Variants in GALNT5 observed in about 807,000 individuals in gnomAD.
GALNT5 encodes polypeptide N-acetylgalactosaminyltransferase 5.
Under a neutral mutation model 85.4 loss-of-function variants are expected in GALNT5, and 72 were observed. The ratio of observed to expected loss-of-function variants is 0.84; its 90% CI spans 0.70 to 1.03. GALNT5 has a LOEUF of 1.03. GALNT5 is among the 50% of genes least tolerant of loss of function. The probability of loss-of-function intolerance (pLI) is 0.00; values close to 1 mark genes in which losing one functional copy is unlikely to be tolerated. For synonymous variants in GALNT5, 404 were observed against 397.0 expected (o/e 1.02, Z -0.21); for missense variants, 1,137 against 1,135.5 (o/e 1.00, Z -0.02).
chr2:157,305,700 T>G (rs770091759), intron 7 of GALNT5, 49 bp from the exon 8 acceptor site: 1 of 1,058,154 alleles, frequency 9.5e-7, no homozygotes, highest in Non-Finnish European at 1.5e-6. Flanking sequence ...GAATGTCTTG[T>G]TTTACTTTAA....
chr2:157,306,854 T>A (rs1316056356), intron 8 of GALNT5, among the ~76,000 whole-genome samples: 1 of 152,048 alleles, frequency 6.6e-6, no homozygotes, highest in South Asian at 2.1e-4. Context: ...TCTTTTTTAA[T>A]TAGGAAAGAA....
At chr2:157,288,181 T>C (rs1369874229) in intron 3 of GALNT5, among the ~76,000 whole-genome samples, 1 of 152,218 alleles carries the variant, frequency 6.6e-6, no homozygotes, top group African/African-American at 2.4e-5. Context: ...TGAGTTTAAT[T>C]TTCTCATAAC....
intron 1 of GALNT5, among the ~76,000 whole-genome samples, chr2:157,278,670 A>C (rs1682791570): frequency 6.6e-6 from 1 of 152,110 alleles, no homozygotes; most frequent in African/African-American, 2.4e-5. Flanking sequence ...CCATCAGGCC[A>C]TTTCAGGTCT....
chr2:157,307,009 CAT>C (rs1491133725), intron 8 of GALNT5, among the ~76,000 whole-genome samples: 1 of 37,012 alleles, frequency 2.7e-5, no homozygotes, highest in East Asian at 3.7e-3. Context: ...TTAAATAATG[CAT>C]TTTTTTTTTT....
chr2:157,301,139 GAATTA>G, intron 7 of GALNT5, 140 bp downstream of exon 7: 1 of 654,114 alleles, frequency 1.5e-6, no homozygotes. Context: ...GCATGGCTGA[GAATTA>G]AATATAGGTA....
At chr2:157,260,369 C>T (rs1682310406) in intron 1 of GALNT5, among the ~76,000 whole-genome samples, 1 of 152,200 alleles carries the variant, frequency 6.6e-6, no homozygotes. Context: ...CTAAAGCTGC[C>T]CAATGGGCCT....
chr2:157,300,988 G>A lies in GALNT5; in HGVS notation c.2428G>A (p.Ala810Thr). 2 of 1,612,040 alleles carry A rather than the reference G, an allele frequency of 1.2e-6. No individual in the cohort carries two copies. The highest frequency in any genetic ancestry group is 1.7e-6 in the Non-Finnish European group (2 of 1,178,566). Reference sequence around the variant, plus strand: ...TGACTTAAGGGCTCCCATTGTGAGAGCTAGTGGTGTGGTAAGTTCAAGTGG... The same window carrying A: ...TGACTTAAGGGCTCCCATTGTGAGAACTAGTGGTGTGGTAAGTTCAAGTGG... Reference protein sequence around the residue: ...FPDLRAPIVRASGVLINVALG... With the variant: ...FPDLRAPIVRTSGVLINVALG... Residue 810 changes from alanine (A) to threonine (T), a missense_variant, in exon 7 of 10, where the codon GCT (alanine) becomes ACT (threonine). Transcript: ENST00000259056.
intron 9 of GALNT5, among the ~76,000 whole-genome samples, chr2:157,310,753 T>C (rs1683551861): frequency 6.6e-6 from 1 of 152,180 alleles, no homozygotes; most frequent in African/African-American, 2.4e-5. Context: ...GAGATTATGG[T>C]AAGGAGCTCA....
intron 9 of GALNT5, among the ~76,000 whole-genome samples, chr2:157,308,933 A>C (rs1683512914): frequency 6.6e-6 from 1 of 152,106 alleles, no homozygotes; most frequent in Non-Finnish European, 1.5e-5. Flanking sequence ...AATTTATTTC[A>C]AATGAGTTAT....
chr2:157,287,398 C>T (rs543755566), intron 3 of GALNT5, among the ~76,000 whole-genome samples: 2 of 151,706 alleles, frequency 1.3e-5, no homozygotes, highest in African/African-American at 4.8e-5. Flanking sequence ...TGCTTTCTAA[C>T]TCTTCCTCCC....
rs576360649 is a variant in GALNT5 at position 157,314,717 on chromosome 2, A to G, written c.*3369A>G. Among the ~76,000 whole-genome samples, 17 of 152,318 alleles carry G rather than the reference A, an allele frequency of 1.1e-4. No homozygotes were observed. The highest frequency in any genetic ancestry group is 3.8e-4 in the African/African-American group (16 of 41,582). On this transcript the variant is annotated 3_prime_UTR_variant, in exon 10 of 10. Transcript: ENST00000259056. Reference sequence around the variant, plus strand: ...TCATGCAATAGAATAAGATTGAAACATGCCAGAGAGTACCATCTTTCTTTG... The same window carrying G: ...TCATGCAATAGAATAAGATTGAAACGTGCCAGAGAGTACCATCTTTCTTTG...
In GALNT5 at chr2:157,315,061, G is replaced by C. The variant is rs371810949; in HGVS notation, c.*3713G>C. Among the ~76,000 whole-genome samples the C allele has an allele frequency of 4.7e-4, 71 of 152,154 alleles. No individual in the cohort carries two copies. The highest frequency in any genetic ancestry group is 1.7e-3 in the African/African-American group (71 of 41,474). On this transcript the variant is annotated 3_prime_UTR_variant, in exon 10 of 10. Coordinates refer to ENST00000259056, the MANE Select transcript of GALNT5 (RefSeq NM_014568.3). ...CCACTGCACTCCAGCCTAGACAACAGAGCAAGACTCTATCTCAAAAAATAA... is the reference window on the plus strand; with the variant it reads ...CCACTGCACTCCAGCCTAGACAACACAGCAAGACTCTATCTCAAAAAATAA...
At position 157,258,571 on chromosome 2, in the gene GALNT5, G is replaced by A. The variant is rs368709040; in HGVS notation, c.489G>A (p.Thr163=). The part of the protein sequence containing the change: ...ASSHQGTPKQ[T]TAQGAPKTSF... ...CTCACCAGGGGACACCAAAGCAAAC[G>A]ACAGCTCAGGGGGCTCCAAAGACCT... The change falls in exon 1 of 10, where the codon ACG becomes ACA. Residue 163 remains threonine (T), a synonymous_variant. Transcript: ENST00000259056. 30 of 1,613,308 alleles carry A rather than the reference G, an allele frequency of 1.9e-5. No individual in the cohort carries two copies. Among genetic ancestry groups the A allele is most frequent in the South Asian group, 1.1e-4 (10 of 91,012 alleles).
At chr2:157,281,639 T>A (rs957304791) in intron 1 of GALNT5, among the ~76,000 whole-genome samples, 2 of 152,182 alleles carry the variant, frequency 1.3e-5, no homozygotes, top group Admixed American at 6.5e-5. Context: ...AAAGCTTCTA[T>A]CAATCATCTT....
intron 1 of GALNT5, among the ~76,000 whole-genome samples, chr2:157,261,910 ATTT>A (rs1298182351): frequency 6.6e-6 from 1 of 152,100 alleles, no homozygotes; most frequent in African/African-American, 2.4e-5. Flanking sequence ...ATGCAATAAG[ATTT>A]TTTAAGATAA....
chr2:157,262,566 C>T (rs1253532632), intron 1 of GALNT5, among the ~76,000 whole-genome samples: 2 of 148,334 alleles, frequency 1.3e-5, no homozygotes, highest in South Asian at 2.1e-4. Flanking sequence ...TGAGCCTGAG[C>T]GGTCGAGGTT....
chr2:157,265,597 G>A (rs1002199522), intron 1 of GALNT5, among the ~76,000 whole-genome samples: 1 of 152,140 alleles, frequency 6.6e-6, no homozygotes, highest in Non-Finnish European at 1.5e-5. Flanking sequence ...CGGAACACAA[G>A]GCCCAGTTTA....
Position 157,295,662 on chromosome 2 carries a change from G to A in GALNT5, c.1742-1G>A. ...TTTTTTGTGTGTGTTTGGCCCTCTA[G>A]GTGATGTGTTGACATTTTTAGATTC... On this transcript the variant is annotated splice_acceptor_variant, in intron 3 of 9. Coordinates refer to ENST00000259056, the MANE Select transcript of GALNT5 (RefSeq NM_014568.3). LOFTEE classifies it high-confidence loss of function. The A allele has an allele frequency of 6.2e-7, 1 of 1,612,138 alleles. No individual in the cohort carries two copies. Among genetic ancestry groups the A allele is most frequent in the Non-Finnish European group, 8.5e-7 (1 of 1,178,916 alleles).
chr2:157,274,012 C>T (rs1045713749), intron 1 of GALNT5, among the ~76,000 whole-genome samples: 13 of 151,754 alleles, frequency 8.6e-5, no homozygotes, highest in African/African-American at 3.1e-4. Context: ...GTGTGATGTT[C>T]CCCACCTTGT....
Sources: allele counts gnomAD v4.1 joint callset (sites outside exome capture counted in the v4.1 genomes callset), GRCh38; gene constraint gnomAD v4.1.1; transcripts MANE v1.5; gene names NCBI Gene and HGNC (gene_info 2026-07-23, HGNC 2026-07-21).